Variants in BTBD10 observed in about 807,000 individuals in gnomAD.
BTBD10 encodes BTB/POZ domain-containing protein 10.
Under a neutral mutation model 53.2 loss-of-function variants are expected in BTBD10, and 21 were observed. The ratio of observed to expected loss-of-function variants is 0.39; its 90% CI spans 0.28 to 0.57. The LOEUF (loss-of-function observed/expected upper bound fraction) is 0.57. Ranked by LOEUF, BTBD10 falls within the 20% of genes least tolerant of loss-of-function variation. The pLI, the probability that BTBD10 is intolerant of heterozygous loss-of-function variation, is 0.53. For missense variants in BTBD10, 360 were observed against 594.7 expected (o/e 0.61, Z 4.10); for synonymous variants, 149 against 192.7 (o/e 0.77, Z 1.88).
chr11:13,458,087 A>C (rs978692849), intron 1 of BTBD10, among the ~76,000 whole-genome samples: 1 of 145,880 alleles, frequency 6.9e-6, no homozygotes, highest in African/African-American at 2.6e-5. Context: ...GGATCACTTG[A>C]GCCCAGAAGT....
intron 1 of BTBD10, among the ~76,000 whole-genome samples, chr11:13,446,910 G>C (rs1017986936): frequency 6.6e-6 from 1 of 152,018 alleles, no homozygotes; most frequent in South Asian, 2.1e-4. Flanking sequence ...GAAGAAAATG[G>C]GGAGAATGAA....
At chr11:13,413,476 G>A (rs959624978) in intron 6 of BTBD10, 54 bp downstream of exon 6, 2 of 1,493,552 alleles carry the variant, frequency 1.3e-6, no homozygotes, top group Non-Finnish European at 1.8e-6. Context: ...CAGGCTTTTT[G>A]TTCCAATATA....
chr11:13,424,110 T>C (rs1346431570), intron 2 of BTBD10, among the ~76,000 whole-genome samples: 4 of 152,220 alleles, frequency 2.6e-5, no homozygotes, highest in African/African-American at 9.6e-5. Context: ...AAAGATCATA[T>C]ATAGAAAAAA....
chr11:13,416,730 A>T (rs1379645364), intron 5 of BTBD10, among the ~76,000 whole-genome samples: 1 of 152,162 alleles, frequency 6.6e-6, no homozygotes, highest in East Asian at 1.9e-4. Context: ...TAATCCCAGC[A>T]CTTTGGGAGG....
At chr11:13,392,157 C>T (rs1188944567) in intron 8 of BTBD10, among the ~76,000 whole-genome samples, 2 of 152,068 alleles carry the variant, frequency 1.3e-5, no homozygotes, top group Non-Finnish European at 2.9e-5. Context: ...TTCCAAAGAG[C>T]AAATATACGT....
chr11:13,438,495 G>A (rs1305819398), intron 2 of BTBD10, among the ~76,000 whole-genome samples: 1 of 151,942 alleles, frequency 6.6e-6, no homozygotes, highest in East Asian at 1.9e-4. Flanking sequence ...AAATATGTAT[G>A]TACAAAACAC....
At chr11:13,422,642 AG>A (rs1305463039) in intron 2 of BTBD10, among the ~76,000 whole-genome samples, 2 of 152,142 alleles carry the variant, frequency 1.3e-5, no homozygotes, top group Non-Finnish European at 2.9e-5. Context: ...ACTCTGTCTC[AG>A]GAAAAAAAAA....
At position 13,455,968 on chromosome 11, in the gene BTBD10, G is replaced by A. The variant is rs1950958068; in HGVS notation, c.-58+7124C>T. ...TTAAATATGATTCAAGTTCTAGACT[G>A]TAGCACTCACTGCTCAGCGCGACTT... is the stretch of plus-strand genomic sequence containing the variant. On this transcript the variant is annotated intron_variant, in intron 1 of 8. Transcript: ENST00000278174. Among the ~76,000 whole-genome samples, 3 of 152,108 alleles carry A rather than the reference G, an allele frequency of 2.0e-5. No homozygotes were observed. The South Asian group carries it at 6.2e-4, about 32-fold the overall frequency.
intron 6 of BTBD10, among the ~76,000 whole-genome samples, chr11:13,408,475 T>C (rs1444786881): frequency 6.6e-6 from 1 of 152,224 alleles, no homozygotes; most frequent in Non-Finnish European, 1.5e-5. Flanking sequence ...ATATTATCCA[T>C]ATACTGATGA....
At chr11:13,459,244 G>C (rs962410058) in intron 1 of BTBD10, among the ~76,000 whole-genome samples, 2 of 151,464 alleles carry the variant, frequency 1.3e-5, no homozygotes, top group African/African-American at 4.9e-5. Context: ...ATTTTTAGTA[G>C]AGACGGGGTT....
chr11:13,439,752 G>T, intron 2 of BTBD10: 1 of 660,402 alleles, frequency 1.5e-6, no homozygotes, highest in Non-Finnish European at 2.3e-6. Flanking sequence ...TCAGACATAT[G>T]ATCTTTATCT....
chr11:13,400,259 C>A (rs1388392605), intron 8 of BTBD10, among the ~76,000 whole-genome samples: 1 of 152,238 alleles, frequency 6.6e-6, no homozygotes, highest in Non-Finnish European at 1.5e-5. Flanking sequence ...GGTGCCCCTC[C>A]CCCAGCCTCG....
chr11:13,461,195 CTAA>C (rs2134071903), intron 1 of BTBD10, among the ~76,000 whole-genome samples: 1 of 152,234 alleles, frequency 6.6e-6, no homozygotes, highest in South Asian at 2.1e-4. Context: ...AACAGAGCTT[CTAA>C]ACTGGAGAGG....
At chr11:13,439,446 A>C (rs1591158145) in intron 2 of BTBD10, among the ~76,000 whole-genome samples, 1 of 152,282 alleles carries the variant, frequency 6.6e-6, no homozygotes, top group South Asian at 2.1e-4. Flanking sequence ...TCTGTAAAGT[A>C]CTATATATAA....
At chr11:13,444,505 AT>A (rs2134030891) in intron 2 of BTBD10, among the ~76,000 whole-genome samples, 2 of 152,334 alleles carry the variant, frequency 1.3e-5, no homozygotes, top group South Asian at 4.1e-4. Flanking sequence ...GAAACTTGAA[AT>A]GAATTTTATT....
chr11:13,444,699 T>C (rs1376245793), intron 2 of BTBD10, among the ~76,000 whole-genome samples: 1 of 152,140 alleles, frequency 6.6e-6, no homozygotes, highest in Non-Finnish European at 1.5e-5. Flanking sequence ...ACAAAATAAA[T>C]TCCTATTAGA....
intron 6 of BTBD10, 60 bp downstream of exon 6, chr11:13,413,470 C>G: frequency 4.1e-6 from 6 of 1,456,050 alleles, no homozygotes; most frequent in Non-Finnish European, 5.5e-6. Flanking sequence ...TAATTTCAGG[C>G]TTTTTGTTCC....
At chr11:13,437,271 A>C (rs1950561278) in intron 2 of BTBD10, among the ~76,000 whole-genome samples, 1 of 152,176 alleles carries the variant, frequency 6.6e-6, no homozygotes, top group Non-Finnish European at 1.5e-5. Context: ...GCCATATGAT[A>C]CTTTTGTCTT....
chr11:13,457,628 A>G (rs1267202524), intron 1 of BTBD10, among the ~76,000 whole-genome samples: 4 of 152,234 alleles, frequency 2.6e-5, no homozygotes, highest in Non-Finnish European at 5.9e-5. Context: ...AAAGACATTA[A>G]TCAAAATGGT....
Sources: gnomAD v4.1 joint callset for allele counts (sites outside exome capture counted in the v4.1 genomes callset) on GRCh38, gnomAD v4.1.1 for gene constraint, MANE v1.5 for transcripts, NCBI Gene and HGNC (gene_info 2026-07-23, HGNC 2026-07-21) for gene names.